The following ATP8A1 variants were observed in gnomAD, a reference collection of about 807,000 sequenced individuals.
The protein encoded by ATP8A1 is phospholipid-transporting ATPase IA.
ATP8A1 carries 90 observed loss-of-function variants against 177.7 expected under a neutral mutation model. That is an observed-to-expected ratio of 0.51 (90% CI 0.43 to 0.60). The LOEUF is 0.60. Ranked by LOEUF, ATP8A1 falls within the 20% of genes least tolerant of loss-of-function variation. ATP8A1 has a pLI of 0.00. For missense variants in ATP8A1, 1,072 were observed against 1,392.8 expected (o/e 0.77, Z 3.67); for synonymous variants, 493 against 485.9 (o/e 1.01, Z -0.19).
rs755973839 is a variant in ATP8A1 at position 42,581,633 on chromosome 4, G to A, written c.822C>T (p.Thr274=). The stretch of plus-strand genomic sequence containing the variant: ...AGAAAAATTTCACCTGCATCAGCTT[G>A]GTGTCATGTCCAGTGTAGACAACTA... ...HGIVVYTGHD[T]KLMQNSTSPP... is the part of the protein sequence containing the mutation. The change falls in exon 10 of 37, where the codon ACC becomes ACT. Residue 274 remains threonine (T), a synonymous_variant. Coordinates refer to ENST00000381668, the MANE Select transcript of ATP8A1 (RefSeq NM_006095.2). 1 of 1,613,374 alleles carries A rather than the reference G, an allele frequency of 6.2e-7. No individual in the cohort carries two copies. Among genetic ancestry groups the A allele is most frequent in the South Asian group, 1.1e-5 (1 of 91,068 alleles).
At chr4:42,554,495 G>C (rs577843846) in intron 16 of ATP8A1, among the ~76,000 whole-genome samples, 4 of 152,268 alleles carry the variant, frequency 2.6e-5, no homozygotes, top group African/African-American at 9.6e-5. Context: ...TTTGTTGAAG[G>C]CTCGCGCAGA....
intron 22 of ATP8A1, among the ~76,000 whole-genome samples, chr4:42,509,878 T>C (rs1724832645): frequency 6.6e-6 from 1 of 151,474 alleles, no homozygotes; most frequent in African/African-American, 2.4e-5. Context: ...AAAAAAGTTA[T>C]TGTTTCTTTT....
At chr4:42,580,413 A>G (rs1732912984) in intron 10 of ATP8A1, among the ~76,000 whole-genome samples, 1 of 152,224 alleles carries the variant, frequency 6.6e-6, no homozygotes, top group South Asian at 2.1e-4. Context: ...GGCAACATTT[A>G]AAGGATCTCC....
intron 25 of ATP8A1, among the ~76,000 whole-genome samples, chr4:42,465,892 C>T (rs577419455): frequency 5.1e-4 from 77 of 151,984 alleles, no homozygotes; most frequent in Middle Eastern, 3.4e-3. Context: ...ATTAGCCGGG[C>T]GTGGTGGCGG....
intron 20 of ATP8A1, among the ~76,000 whole-genome samples, chr4:42,540,473 C>T (rs1022011629): frequency 1.8e-4 from 27 of 151,880 alleles, no homozygotes; most frequent in Admixed American, 5.9e-4. Context: ...GGGATACCTG[C>T]ACTCACATGT....
chr4:42,487,635 T>G (rs1445512004), intron 24 of ATP8A1, among the ~76,000 whole-genome samples: 1 of 152,152 alleles, frequency 6.6e-6, no homozygotes, highest in East Asian at 1.9e-4. Context: ...TTTAAGCATG[T>G]CGTTTTATAT....
At chr4:42,527,639 T>C (rs1367928892) in intron 20 of ATP8A1, among the ~76,000 whole-genome samples, 1 of 152,080 alleles carries the variant, frequency 6.6e-6, no homozygotes, top group African/African-American at 2.4e-5. Context: ...TAGACTAAAG[T>C]CCCAGCGAGT....
At chr4:42,553,849 C>T (rs1041952217) in intron 16 of ATP8A1, among the ~76,000 whole-genome samples, 2 of 151,980 alleles carry the variant, frequency 1.3e-5, no homozygotes, top group South Asian at 2.1e-4. Flanking sequence ...GTGACTTGAG[C>T]GAGTCTGTGG....
rs1217013319 is a variant in ATP8A1 at position 42,506,550 on chromosome 4, G to A, written c.2086+466C>T. ...ATGTTTTAGGAGGAAGAGACATAAG[G>A]AGTAGTACACAGAAGAGGAGCCACG... On this transcript the variant is annotated intron_variant, in intron 23 of 36. Transcript: ENST00000381668. Among the ~76,000 whole-genome samples the A allele has an allele frequency of 5.9e-5, 9 of 152,320 alleles. No individual in the cohort carries two copies. The South Asian group carries it at 1.7e-3, about 28-fold the overall frequency.
chr4:42,446,476 C>A, intron 31 of ATP8A1, 107 bp downstream of exon 31: 3 of 1,144,930 alleles, frequency 2.6e-6, no homozygotes, highest in South Asian at 1.6e-5. Flanking sequence ...CCGTAAACAA[C>A]CCTTAAATCC....
At chr4:42,453,413 TA>T (rs1416368814) in intron 29 of ATP8A1, among the ~76,000 whole-genome samples, 2 of 152,138 alleles carry the variant, frequency 1.3e-5, no homozygotes, top group Admixed American at 1.3e-4. Flanking sequence ...AACTCGTGTA[TA>T]AAAACTATAA....
chr4:42,530,290 T>C (rs1054694728), intron 20 of ATP8A1, among the ~76,000 whole-genome samples: 3 of 152,224 alleles, frequency 2.0e-5, no homozygotes, highest in South Asian at 2.1e-4. Context: ...CACTGAGCCC[T>C]TGATATGGCA....
At chr4:42,493,570 T>C (rs889044159) in intron 24 of ATP8A1, among the ~76,000 whole-genome samples, 1 of 152,160 alleles carries the variant, frequency 6.6e-6, no homozygotes, top group African/African-American at 2.4e-5. Context: ...GCCAGAGTTA[T>C]GTATGTATTT....
intron 4 of ATP8A1, among the ~76,000 whole-genome samples, chr4:42,618,925 C>CTTAA (rs1737177330): frequency 6.6e-6 from 1 of 152,198 alleles, no homozygotes; most frequent in African/African-American, 2.4e-5. Flanking sequence ...CCATTTTCTA[C>CTTAA]TGTTAAGCCA....
chr4:42,489,832 GA>G (rs1481886706), intron 24 of ATP8A1, among the ~76,000 whole-genome samples: 2 of 152,068 alleles, frequency 1.3e-5, no homozygotes, highest in Non-Finnish European at 2.9e-5. Flanking sequence ...TTTGGCTACT[GA>G]AGGGGGAAAT....
chr4:42,568,221 G>A (rs574182093), intron 15 of ATP8A1, among the ~76,000 whole-genome samples: 73 of 152,116 alleles, frequency 4.8e-4, no homozygotes, highest in African/African-American at 1.7e-3. Flanking sequence ...TTAACCCTAG[G>A]TGTTGTGAGA....
At chr4:42,580,928 A>T (rs1560483019) in intron 10 of ATP8A1, among the ~76,000 whole-genome samples, 1 of 152,222 alleles carries the variant, frequency 6.6e-6, no homozygotes, top group Non-Finnish European at 1.5e-5. Context: ...AATTTTATTA[A>T]AAGATAGAAA....
chr4:42,459,315 T>C (rs1020998431), intron 27 of ATP8A1: 7 of 169,878 alleles, frequency 4.1e-5, no homozygotes, highest in Admixed American at 1.3e-4. Context: ...TTGTTTTCAT[T>C]TGATTTTAAT....
At chr4:42,614,115 T>C (rs967390295) in intron 5 of ATP8A1, among the ~76,000 whole-genome samples, 6 of 152,332 alleles carry the variant, frequency 3.9e-5, no homozygotes, top group Admixed American at 3.9e-4. Context: ...AGGGGACTCA[T>C]GAACCAAGAT....
Sources: gnomAD v4.1 joint callset for allele counts (sites outside exome capture counted in the v4.1 genomes callset) on GRCh38, gnomAD v4.1.1 for gene constraint, MANE v1.5 for transcripts, NCBI Gene and HGNC (gene_info 2026-07-23, HGNC 2026-07-21) for gene names.